MYO5A: variants seen among roughly 807,000 people sequenced by gnomAD.
MYO5A encodes the protein unconventional myosin-Va.
MYO5A carries 98 observed loss-of-function variants against 249.7 expected under a neutral mutation model. The ratio of observed to expected loss-of-function variants is 0.39; its 90% CI spans 0.33 to 0.46. The LOEUF (loss-of-function observed/expected upper bound fraction) is 0.46. MYO5A is among the 20% of genes least tolerant of loss of function. The pLI is 0.98. For missense variants in MYO5A, 1,696 were observed against 2,308.8 expected, an observed-to-expected ratio of 0.73 and a Z score of 5.44; for synonymous variants, 778 against 810.6, an observed-to-expected ratio of 0.96 and a Z score of 0.68.
At chr15:52,335,133 G>A (rs2039054506) in intron 34 of MYO5A, among the ~76,000 whole-genome samples, 2 of 152,200 alleles carry the variant, frequency 1.3e-5, no homozygotes, top group South Asian at 4.1e-4. Context: ...ATGACAATGA[G>A]AGAAAATGAT....
At chr15:52,319,395 T>C (rs531384646) in intron 38 of MYO5A, 53 bp from the exon 39 acceptor site, 1 of 1,567,114 alleles carries the variant, frequency 6.4e-7, no homozygotes, top group African/African-American at 1.4e-5. Context: ...GAACCTTTCA[T>C]GTGCACATAT....
At chr15:52,460,720 A>G (rs2076232237) in intron 1 of MYO5A, among the ~76,000 whole-genome samples, 1 of 152,214 alleles carries the variant, frequency 6.6e-6, no homozygotes, top group South Asian at 2.1e-4. Flanking sequence ...TAAAGAAGTT[A>G]TCTAAGCTAT....
intron 1 of MYO5A, among the ~76,000 whole-genome samples, chr15:52,484,801 G>A (rs561133515): frequency 9.5e-4 from 145 of 152,102 alleles, no homozygotes; most frequent in Non-Finnish European, 1.9e-3. Flanking sequence ...CCACCACCAC[G>A]CTTGCCACCA....
intron 1 of MYO5A, among the ~76,000 whole-genome samples, chr15:52,449,406 C>G (rs1396518574): frequency 6.6e-6 from 1 of 152,194 alleles, no homozygotes; most frequent in African/African-American, 2.4e-5. Flanking sequence ...TTAACAACTG[C>G]AAACACCAGC....
intron 1 of MYO5A, among the ~76,000 whole-genome samples, chr15:52,501,568 C>T (rs2077159063): frequency 6.6e-6 from 1 of 151,774 alleles, no homozygotes; most frequent in South Asian, 2.1e-4. Flanking sequence ...CACTGTACTC[C>T]AGCCTGGATG....
At chr15:52,340,110 A>AAGAAAAACCCGTGTTTG (rs2039309478) in intron 32 of MYO5A, 86 bp downstream of exon 32, 6 of 1,448,702 alleles carry the variant, frequency 4.1e-6, no homozygotes, top group African/African-American at 1.4e-5. Context: ...TTTTCCCAGC[A>AAGAAAAACCCGTGTTTG]AGAAAAACCC....
chr15:52,321,411 C>T lies in MYO5A; in HGVS notation c.4899G>A (p.Gln1633=), dbSNP rs1399713746. 6.2e-7 allele frequency: 1 copy of T among 1,614,204 alleles called. No individual in the cohort carries two copies. Among genetic ancestry groups the T allele is most frequent in the East Asian group, 2.2e-5 (1 of 44,882 alleles). Residue 1633 remains glutamine, a synonymous_variant, in exon 38 of 42, where the codon CAG becomes CAA. Transcript: ENST00000399233. The part of the protein sequence containing the change: ...YRQVLSDLAI[Q]IYQQLVRVLE... ...ACACCCGCACGAGCTGCTGGTAGAT[C>T]TGAATGGCCAAGTCACTCAGCACCT...
At chr15:52,471,928 G>A (rs1259618668) in intron 1 of MYO5A, among the ~76,000 whole-genome samples, 3 of 152,068 alleles carry the variant, frequency 2.0e-5, no homozygotes, top group Admixed American at 2.0e-4. Flanking sequence ...CAAACTCCCA[G>A]GCTCAAGGAA....
chr15:52,444,467 G>A (rs1456067532), intron 1 of MYO5A, among the ~76,000 whole-genome samples: 1 of 152,164 alleles, frequency 6.6e-6, no homozygotes, highest in Non-Finnish European at 1.5e-5. Context: ...TATTAAAGAA[G>A]TTCCTTATTC....
At chr15:52,503,336 T>C (rs989301178) in intron 1 of MYO5A, among the ~76,000 whole-genome samples, 15 of 152,108 alleles carry the variant, frequency 9.9e-5, no homozygotes, top group African/African-American at 3.6e-4. Flanking sequence ...AAAAAATAAA[T>C]TTAGGCTGGG....
In MYO5A at chr15:52,514,052, T is replaced by C. The variant is rs111325480; in HGVS notation, c.27+14728A>G. On this transcript the variant is annotated intron_variant, in intron 1 of 41. Transcript: ENST00000399233. ...TAGAAGAGGGGAAGCACATGAAGAG[T>C]TACTGATAAATAAATAAGATGATTT... Among the ~76,000 whole-genome samples the C allele has an allele frequency of 9.2e-4, 140 of 151,924 alleles. 1 individual carries two copies. Among genetic ancestry groups the C allele is most frequent in the African/African-American group, 3.2e-3 (132 of 41,418 alleles).
intron 16 of MYO5A, among the ~76,000 whole-genome samples, chr15:52,380,536 G>A (rs2041682377): frequency 1.3e-5 from 2 of 151,972 alleles, no homozygotes; most frequent in Admixed American, 1.3e-4. Context: ...AGGAGGCCAA[G>A]GGCAGGCGGA....
chr15:52,507,572 C>T (rs1226537761), intron 1 of MYO5A, among the ~76,000 whole-genome samples: 1 of 152,088 alleles, frequency 6.6e-6, no homozygotes, highest in Non-Finnish European at 1.5e-5. Flanking sequence ...AATCCCAGCA[C>T]TTTGGGAGGC....
intron 1 of MYO5A, among the ~76,000 whole-genome samples, chr15:52,470,098 T>C (rs1296395200): frequency 6.6e-6 from 1 of 152,374 alleles, no homozygotes; most frequent in East Asian, 1.9e-4. Flanking sequence ...TCTATAACAA[T>C]AATGGCACCT....
intron 1 of MYO5A, among the ~76,000 whole-genome samples, chr15:52,478,686 T>C (rs558809836): frequency 2.0e-5 from 3 of 152,362 alleles, no homozygotes; most frequent in Non-Finnish European, 4.4e-5. Flanking sequence ...GTTTACTGTA[T>C]TGCACTAAAC....
chr15:52,325,446 G>A (rs942225568), intron 36 of MYO5A, among the ~76,000 whole-genome samples: 10 of 148,148 alleles, frequency 6.8e-5, no homozygotes, highest in African/African-American at 2.5e-4. Context: ...CTCTTGCCCA[G>A]GCTGGAGTGC....
chr15:52,484,219 G>A (rs1036161147), intron 1 of MYO5A, among the ~76,000 whole-genome samples: 9 of 152,194 alleles, frequency 5.9e-5, no homozygotes, highest in African/African-American at 2.2e-4. Flanking sequence ...CGTATTACAG[G>A]TATGCATTAC....
intron 1 of MYO5A, among the ~76,000 whole-genome samples, chr15:52,525,599 T>G (rs1225553531): frequency 6.6e-6 from 1 of 152,216 alleles, no homozygotes; most frequent in Non-Finnish European, 1.5e-5. Context: ...TTAACCACAA[T>G]GTTAAATACC....
At chr15:52,497,217 C>G (rs910463068) in intron 1 of MYO5A, among the ~76,000 whole-genome samples, 7 of 152,082 alleles carry the variant, frequency 4.6e-5, no homozygotes, top group East Asian at 3.9e-4. Context: ...CCACATCAGC[C>G]TCCCAAAGTG....
Sources: allele counts gnomAD v4.1 joint callset (sites outside exome capture counted in the v4.1 genomes callset), GRCh38; gene constraint gnomAD v4.1.1; transcripts MANE v1.5; gene names NCBI Gene and HGNC (gene_info 2026-07-23, HGNC 2026-07-21).